Variants in MEIKIN observed in about 807,000 individuals in gnomAD.
MEIKIN encodes meiosis-specific kinetochore protein.
chr5:131,864,787 T>A (rs2149621254), intron 9 of MEIKIN, among the ~76,000 whole-genome samples: 1 of 152,370 alleles, frequency 6.6e-6, no homozygotes, highest in Admixed American at 6.5e-5. Flanking sequence ...ATTTTTCATC[T>A]ATTATTTCAT....
chr5:131,933,827 A>G (rs1751728347), intron 4 of MEIKIN, among the ~76,000 whole-genome samples, 186 bp from the exon 5 acceptor site: 2 of 152,216 alleles, frequency 1.3e-5, no homozygotes, highest in African/African-American at 2.4e-5. Context: ...TTGGACAATC[A>G]TTCTATTTTT....
intron 8 of MEIKIN, among the ~76,000 whole-genome samples, chr5:131,884,044 A>C (rs1278358076): frequency 6.6e-6 from 1 of 152,068 alleles, no homozygotes; most frequent in Non-Finnish European, 1.5e-5. Context: ...GCCACTATGG[A>C]ATAAAATGCT....
At chr5:131,873,268 G>C (rs1561740111) in intron 9 of MEIKIN, among the ~76,000 whole-genome samples, 2 of 152,134 alleles carry the variant, frequency 1.3e-5, no homozygotes, top group African/African-American at 4.8e-5. Flanking sequence ...CACATGCAGA[G>C]ACACACATAG....
chr5:131,934,892 C>T (rs1212622672), intron 4 of MEIKIN, among the ~76,000 whole-genome samples: 1 of 151,724 alleles, frequency 6.6e-6, no homozygotes, highest in Non-Finnish European at 1.5e-5. Context: ...CCCATCTCTA[C>T]TAAAAGTACA....
intron 6 of MEIKIN, among the ~76,000 whole-genome samples, 160 bp downstream of exon 6, chr5:131,921,662 A>G (rs1751507464): frequency 6.6e-6 from 1 of 152,204 alleles, no homozygotes; most frequent in South Asian, 2.1e-4. Flanking sequence ...ATCTCAAAAT[A>G]AATAAAAAAG....
chr5:131,944,477 A>G (rs773640596), intron 3 of MEIKIN, 188 bp downstream of exon 3: 51 of 387,742 alleles, frequency 1.3e-4, no homozygotes, highest in Non-Finnish European at 2.0e-4. Context: ...AAAATGCATG[A>G]CTATGAATCT....
chr5:131,910,236 C>T (rs949120729), intron 8 of MEIKIN, among the ~76,000 whole-genome samples: 1 of 152,000 alleles, frequency 6.6e-6, no homozygotes, highest in Non-Finnish European at 1.5e-5. Flanking sequence ...TACTATTCAG[C>T]CTTAAAAAAG....
At chr5:131,862,234 T>C (rs1024330248) in intron 9 of MEIKIN, among the ~76,000 whole-genome samples, 3 of 152,142 alleles carry the variant, frequency 2.0e-5, no homozygotes, top group Non-Finnish European at 4.4e-5. Context: ...AGTTAGTATA[T>C]AGTTATTCAT....
At chr5:131,815,282 A>G (rs1350747033) in intron 12 of MEIKIN, among the ~76,000 whole-genome samples, 4 of 152,220 alleles carry the variant, frequency 2.6e-5, no homozygotes, top group Non-Finnish European at 5.9e-5. Flanking sequence ...AGATTCAGTT[A>G]TAGCACCAGC....
intron 12 of MEIKIN, among the ~76,000 whole-genome samples, chr5:131,817,174 G>T (rs924441824): frequency 3.3e-5 from 5 of 152,088 alleles, no homozygotes; most frequent in African/African-American, 1.2e-4. Flanking sequence ...TGGATTCTGG[G>T]AGTTGCATAA....
chr5:131,846,689 T>C (rs1447808841), intron 11 of MEIKIN, among the ~76,000 whole-genome samples: 1 of 152,092 alleles, frequency 6.6e-6, no homozygotes, highest in Admixed American at 6.5e-5. Context: ...GACGTGGTTG[T>C]GCATGCCTGC....
At chr5:131,837,264 C>A (rs761962328) in intron 11 of MEIKIN, among the ~76,000 whole-genome samples, 26 of 152,114 alleles carry the variant, frequency 1.7e-4, no homozygotes, top group Non-Finnish European at 3.8e-4. Flanking sequence ...TCACTATAGT[C>A]CTGTAGTATA....
At chr5:131,879,236 T>C (rs1242711106) in intron 8 of MEIKIN, among the ~76,000 whole-genome samples, 188 bp from the exon 9 acceptor site, 1 of 152,126 alleles carries the variant, frequency 6.6e-6, no homozygotes, top group African/African-American at 2.4e-5. Context: ...AAAACATCCT[T>C]ATCTTAAGAG....
intron 11 of MEIKIN, among the ~76,000 whole-genome samples, chr5:131,833,338 T>C (rs1580864042): frequency 1.3e-5 from 2 of 152,172 alleles, no homozygotes; most frequent in East Asian, 3.8e-4. Context: ...AAGTTCCTCA[T>C]CTCCATCTGA....
At chr5:131,818,066 G>A (rs1773134802) in intron 12 of MEIKIN, among the ~76,000 whole-genome samples, 1 of 152,204 alleles carries the variant, frequency 6.6e-6, no homozygotes, top group Non-Finnish European at 1.5e-5. Flanking sequence ...GAAGAAGTAT[G>A]ATCTTGGACA....
intron 7 of MEIKIN, among the ~76,000 whole-genome samples, chr5:131,915,177 T>C (rs752454075): frequency 3.9e-5 from 6 of 152,134 alleles, no homozygotes; most frequent in Admixed American, 1.3e-4. Context: ...ACAAAGGTTG[T>C]GGAAAGCCAC....
intron 12 of MEIKIN, among the ~76,000 whole-genome samples, chr5:131,812,759 G>T (rs1773018409): frequency 6.6e-6 from 1 of 152,248 alleles, no homozygotes; most frequent in Non-Finnish European, 1.5e-5. Context: ...ATCCAACGGT[G>T]CTTGTAGTGT....
intron 11 of MEIKIN, among the ~76,000 whole-genome samples, chr5:131,819,152 A>C (rs1325256424): frequency 6.6e-6 from 1 of 152,122 alleles, no homozygotes; most frequent in Non-Finnish European, 1.5e-5. Context: ...GTAATGGTAG[A>C]GCTGAGATTC....
chr5:131,860,099 A>G (rs952016999), intron 9 of MEIKIN, among the ~76,000 whole-genome samples: 1 of 152,034 alleles, frequency 6.6e-6, no homozygotes, highest in South Asian at 2.1e-4. Flanking sequence ...AACTACATTG[A>G]TATGTAGTTA....
Sources: gnomAD v4.1 joint callset for allele counts (sites outside exome capture counted in the v4.1 genomes callset) on GRCh38, gnomAD v4.1.1 for gene constraint, MANE v1.5 for transcripts, NCBI Gene and HGNC (gene_info 2026-07-23, HGNC 2026-07-21) for gene names.